TYW1B: variants seen among roughly 807,000 people sequenced by gnomAD.
TYW1B encodes S-adenosyl-L-methionine-dependent tRNA 4-demethylwyosine synthase TYW1B.
TYW1B carries 73 observed loss-of-function variants against 86.9 expected under a neutral mutation model. The observed-to-expected ratio is 0.84, with a 90% CI of 0.70 to 1.02. The LOEUF (loss-of-function observed/expected upper bound fraction) is 1.02, where lower values mean the gene tolerates loss of function less well. Among genes scored for constraint, TYW1B ranks in the 50% least tolerant of loss-of-function variants. The pLI, the probability that TYW1B is intolerant of heterozygous loss-of-function variation, is 0.00. For synonymous variants in TYW1B, 248 were observed against 292.8 expected, an observed-to-expected ratio of 0.85 and a Z score of 1.56; for missense variants, 637 against 827.4, an observed-to-expected ratio of 0.77 and a Z score of 2.82.
intron 2 of TYW1B, 67 bp downstream of exon 2, chr7:72,826,788 T>C: frequency 6.4e-7 from 1 of 1,550,878 alleles, no homozygotes; most frequent in African/African-American, 1.4e-5. Flanking sequence ...AAGGTTCCTT[T>C]TAGTGTTTAA....
At chr7:72,612,019 T>C (rs1319567947) in intron 13 of TYW1B, among the ~76,000 whole-genome samples, 3 of 152,122 alleles carry the variant, frequency 2.0e-5, no homozygotes, top group Non-Finnish European at 4.4e-5. Context: ...CCATCCTCCC[T>C]CCCTCTCTTC....
intron 11 of TYW1B, among the ~76,000 whole-genome samples, chr7:72,666,123 A>G (rs1229894142): frequency 6.6e-6 from 1 of 152,174 alleles, no homozygotes; most frequent in Non-Finnish European, 1.5e-5. Context: ...AATAATAAAA[A>G]AGAACAAAGG....
At chr7:72,581,021 A>G in intron 13 of TYW1B, among the ~76,000 whole-genome samples, 1 of 103,568 alleles carries the variant, frequency 9.7e-6, no homozygotes, top group Non-Finnish European at 1.9e-5. Flanking sequence ...CCCGACAGGA[A>G]GCATGGATTG....
At chr7:72,577,780 ATC>A (rs1554429034) in intron 13 of TYW1B, among the ~76,000 whole-genome samples, 1 of 152,198 alleles carries the variant, frequency 6.6e-6, no homozygotes, top group Non-Finnish European at 1.5e-5. Context: ...AAGTCTGAGT[ATC>A]AAATCTGCAT....
At chr7:72,826,054 A>G (rs1296855724) in intron 2 of TYW1B, among the ~76,000 whole-genome samples, 1 of 152,240 alleles carries the variant, frequency 6.6e-6, no homozygotes, top group Non-Finnish European at 1.5e-5. Context: ...TTTTCTTAAA[A>G]TGTCAGGAAA....
rs537035214 is a variant in TYW1B, at chr7:72,716,732, G to A, written c.1193-2934C>T. Among the ~76,000 whole-genome samples, 405 of 151,916 alleles carry A rather than the reference G, an allele frequency of 2.7e-3. 3 individuals carry two copies. Among genetic ancestry groups the A allele is most frequent in the Admixed American group, 4.1e-3 (63 of 15,264 alleles). On this transcript the variant is annotated intron_variant, in intron 9 of 13. Coordinates refer to ENST00000620995, the MANE Select transcript of TYW1B (RefSeq NM_001145440.3). ...CAGCTCACTGCAACCTCCGCCTCCCGGGTTCAAGCAATTCTCCTGCCTCAG... is the reference window on the plus strand; with the variant it reads ...CAGCTCACTGCAACCTCCGCCTCCCAGGTTCAAGCAATTCTCCTGCCTCAG...
At chr7:72,792,689 C>A (rs1183371110) in intron 6 of TYW1B, among the ~76,000 whole-genome samples, 1 of 152,094 alleles carries the variant, frequency 6.6e-6, no homozygotes, top group Admixed American at 6.6e-5. Flanking sequence ...GTATCCATTA[C>A]CAAAATGAGA....
intron 11 of TYW1B, among the ~76,000 whole-genome samples, chr7:72,682,685 A>C (rs1303340298): frequency 6.6e-6 from 1 of 152,230 alleles, no homozygotes; most frequent in Non-Finnish European, 1.5e-5. Context: ...AACTGTTCTT[A>C]GATCCATCAG....
intron 6 of TYW1B, among the ~76,000 whole-genome samples, chr7:72,780,546 A>G (rs1308810088): frequency 1.3e-5 from 2 of 152,146 alleles, no homozygotes; most frequent in African/African-American, 4.8e-5. Flanking sequence ...AGCTCCACAG[A>G]CACCCTCTTG....
chr7:72,764,170 A>C (rs1554467894), intron 7 of TYW1B, among the ~76,000 whole-genome samples: 1 of 152,226 alleles, frequency 6.6e-6, no homozygotes, highest in Non-Finnish European at 1.5e-5. Context: ...ATCGGATCTT[A>C]ACCATGGCTT....
intron 11 of TYW1B, among the ~76,000 whole-genome samples, chr7:72,642,564 A>C (rs1486125099): frequency 6.6e-6 from 1 of 152,216 alleles, no homozygotes; most frequent in African/African-American, 2.4e-5. Context: ...CGGACAAAGA[A>C]AATATAGTAC....
At chr7:72,590,324 G>A (rs1811368303) in intron 13 of TYW1B, among the ~76,000 whole-genome samples, 1 of 152,190 alleles carries the variant, frequency 6.6e-6, no homozygotes, top group Admixed American at 6.5e-5. Context: ...GCCAGGATAG[G>A]CAATAAGAAC....
At chr7:72,579,985 T>G (rs1211030236) in intron 13 of TYW1B, among the ~76,000 whole-genome samples, 2 of 152,132 alleles carry the variant, frequency 1.3e-5, no homozygotes, top group Non-Finnish European at 2.9e-5. Context: ...CTGATCCTAT[T>G]AGATCAGGGC....
At chr7:72,821,999 A>T (rs1419008487) in intron 2 of TYW1B, among the ~76,000 whole-genome samples, 1 of 151,912 alleles carries the variant, frequency 6.6e-6, no homozygotes, top group East Asian at 1.9e-4. Flanking sequence ...TAATCCTAAC[A>T]CTTTCAGTAG....
At chr7:72,813,437 A>G (rs111726462) in intron 3 of TYW1B, among the ~76,000 whole-genome samples, 2,224 of 152,142 alleles carry the variant, frequency 0.015, 63 homozygotes, top group African/African-American at 0.05. Context: ...CGGACTCCCA[A>G]AGTGTTGGGA....
intron 7 of TYW1B, among the ~76,000 whole-genome samples, chr7:72,755,729 A>T (rs1377827543): frequency 6.6e-6 from 1 of 152,208 alleles, no homozygotes; most frequent in Non-Finnish European, 1.5e-5. Flanking sequence ...GCCAGAGGAA[A>T]AGGAGTGAAA....
chr7:72,761,850 T>A (rs1183652456), intron 7 of TYW1B, among the ~76,000 whole-genome samples: 1 of 151,934 alleles, frequency 6.6e-6, no homozygotes, highest in Non-Finnish European at 1.5e-5. Context: ...TGACTGCTTA[T>A]TTAAGTTAAG....
intron 10 of TYW1B, among the ~76,000 whole-genome samples, chr7:72,700,785 GGCC>G (rs1814447007): frequency 6.6e-6 from 1 of 151,992 alleles, no homozygotes; most frequent in Non-Finnish European, 1.5e-5. Flanking sequence ...ATGTTTTTCT[GGCC>G]AGGTGTGGTG....
chr7:72,734,757 C>T (rs570768026), intron 8 of TYW1B, among the ~76,000 whole-genome samples: 2 of 152,192 alleles, frequency 1.3e-5, no homozygotes, highest in Non-Finnish European at 2.9e-5. Flanking sequence ...AACAACCCAA[C>T]AGCAAAAAAA....
Sources: allele counts gnomAD v4.1 joint callset (sites outside exome capture counted in the v4.1 genomes callset), GRCh38; gene constraint gnomAD v4.1.1; transcripts MANE v1.5; gene names NCBI Gene and HGNC (gene_info 2026-07-23, HGNC 2026-07-21).